KLF13: variants seen among roughly 807,000 people sequenced by gnomAD.
KLF13 encodes the protein Krueppel-like factor 13.
KLF13 carries 8 observed loss-of-function variants against 16.7 expected under a neutral mutation model. The observed-to-expected ratio is 0.48, with a 90% CI of 0.28 to 0.87. KLF13 has a LOEUF of 0.87. Among genes scored for constraint, KLF13 ranks in the 40% least tolerant of loss-of-function variants. KLF13 has a pLI of 0.10. For missense variants in KLF13, 447 were observed against 452.2 expected, an observed-to-expected ratio of 0.99 and a Z score of 0.10; for synonymous variants, 245 against 208.4, an observed-to-expected ratio of 1.18 and a Z score of -1.51.
rs2039559697 is a variant in KLF13 at position 31,371,865 on chromosome 15, G to A, written c.578-145G>A. 5.3e-6 allele frequency: 5 copies of A among 945,622 alleles called. No individual in the cohort carries two copies. In the African/African-American group the frequency reaches 6.6e-5, roughly 13 times the overall value. The allele number at this position is 945,622 out of a possible 1,614,324, so 58.6% of individuals were successfully genotyped here. A position where few individuals can be genotyped will look rare whatever the true frequency, so the allele number is the denominator to read the frequency against. ...GGCCCACCTTCATCTCTGCCTTGAT[G>A]GATTTGTCACAGAAGCTCTTGGAGG... On this transcript the variant is annotated intron_variant, in intron 1 of 1. Coordinates refer to ENST00000307145, the MANE Select transcript of KLF13 (RefSeq NM_015995.4).
intron 2 of KLF13, among the ~76,000 whole-genome samples, chr15:31,402,734 C>G (rs904548942): frequency 6.6e-6 from 1 of 152,218 alleles, no homozygotes; most frequent in Non-Finnish European, 1.5e-5. Flanking sequence ...ACACTCAGTT[C>G]TGCGGCTCAT....
At chr15:31,408,342 A>G (rs1019844740), downstream of KLF13, among the ~76,000 whole-genome samples, 6 of 152,206 alleles carry the variant, frequency 3.9e-5, no homozygotes, top group African/African-American at 1.2e-4. Flanking sequence ...TCCTGGTGGT[A>G]TAGGTCACTT....
chr15:31,327,625 G>C lies in KLF13; in HGVS notation c.413G>C (p.Gly138Ala). Residue 138 changes from glycine to alanine, a missense_variant, in exon 1 of 2, where the codon GGG becomes GCG. This residue lies in a region of KLF13 where 359 missense variants were observed against 282.8 expected (regional missense o/e 1.27). Transcript: ENST00000307145. ...EAGLEPEREP[G>A]PAGSGEPGLR... ...GGGCTGGAGCCCGAGCGGGAGCCGGGGCCCGCGGGGAGCGGCGAGCCCGGC... is the reference window on the plus strand; with the variant it reads ...GGGCTGGAGCCCGAGCGGGAGCCGGCGCCCGCGGGGAGCGGCGAGCCCGGC... 7.4e-7 allele frequency: 1 copy of C among 1,360,340 alleles called. No homozygotes were observed. The highest frequency in any genetic ancestry group is 9.6e-7 in the Non-Finnish European group (1 of 1,040,456). 84.3% of individuals were successfully genotyped at this position (1,360,340 alleles called of 1,614,324 possible).
intron 1 of KLF13, among the ~76,000 whole-genome samples, chr15:31,348,054 G>A (rs966425119): frequency 2.6e-5 from 4 of 152,208 alleles, no homozygotes; most frequent in South Asian, 2.1e-4. Flanking sequence ...CTTTCAGGGG[G>A]GTTTATTTCT....
chr15:31,427,967 G>T (rs1290928310), intron 1 of KLF13, among the ~76,000 whole-genome samples: 1 of 152,108 alleles, frequency 6.6e-6, no homozygotes, highest in East Asian at 1.9e-4. Context: ...CTGGGAATTA[G>T]AATTCAACGT....
chr15:31,369,561 A>C (rs1053243473), intron 1 of KLF13, among the ~76,000 whole-genome samples: 65 of 152,320 alleles, frequency 4.3e-4, no homozygotes, highest in Admixed American at 4.1e-3. Flanking sequence ...TAAACAAAGA[A>C]GAGTGGTGTG....
At chr15:31,379,065 GAA>G (rs1466510966), downstream of KLF13, among the ~76,000 whole-genome samples, 1 of 152,130 alleles carries the variant, frequency 6.6e-6, no homozygotes, top group Non-Finnish European at 1.5e-5. Flanking sequence ...CACAAAATGT[GAA>G]GTGTTACTAA....
intron 1 of KLF13, among the ~76,000 whole-genome samples, chr15:31,410,654 A>G (rs528786100): frequency 6.6e-6 from 1 of 151,614 alleles, no homozygotes; most frequent in African/African-American, 2.4e-5. Context: ...AAAATTCAGA[A>G]TGAGAAATAT....
chr15:31,353,092 C>G (rs1022120815), intron 1 of KLF13, among the ~76,000 whole-genome samples: 2 of 152,134 alleles, frequency 1.3e-5, no homozygotes, highest in African/African-American at 4.8e-5. Flanking sequence ...GGACCCTGGG[C>G]CAGGGGGCTG....
At chr15:31,402,263 C>T (rs1437090377) in intron 2 of KLF13, among the ~76,000 whole-genome samples, 4 of 152,186 alleles carry the variant, frequency 2.6e-5, no homozygotes, top group South Asian at 2.1e-4. Context: ...GATGTGCCCC[C>T]GCCAGCCTCT....
chr15:31,428,820 A>AAAAAAAAAAAAAAAAAAAAAAAAAAAG (rs61521558), intron 1 of KLF13, among the ~76,000 whole-genome samples: 4 of 72,648 alleles, frequency 5.5e-5, no homozygotes, highest in Non-Finnish European at 7.0e-5. Flanking sequence ...AAAAAAAAAA[A>AAAAAAAAAAAAAAAAAAAAAAAAAAAG]AAAAAGAAAA....
At chr15:31,357,331 T>G (rs1056674940) in intron 1 of KLF13, among the ~76,000 whole-genome samples, 8 of 152,224 alleles carry the variant, frequency 5.3e-5, no homozygotes, top group Non-Finnish European at 1.2e-4. Flanking sequence ...TGCTCCTTGG[T>G]CTGGGTCTCT....
At chr15:31,349,063 G>GT (rs2039174053) in intron 1 of KLF13, among the ~76,000 whole-genome samples, 2 of 152,284 alleles carry the variant, frequency 1.3e-5, no homozygotes, top group African/African-American at 2.4e-5. Flanking sequence ...CAGGGTATGG[G>GT]TTTTCAGGAG....
At chr15:31,390,459 C>A (rs987107395), upstream of KLF13, among the ~76,000 whole-genome samples, 2 of 152,244 alleles carry the variant, frequency 1.3e-5, no homozygotes, top group African/African-American at 2.4e-5. Flanking sequence ...CATCTTCTTA[C>A]AACCATTGCT....
chr15:31,408,570 A>G (rs2040155856), downstream of KLF13, among the ~76,000 whole-genome samples: 1 of 152,254 alleles, frequency 6.6e-6, no homozygotes, highest in African/African-American at 2.4e-5. Flanking sequence ...TCAACTCCTG[A>G]CTAGATTAAT....
chr15:31,360,507 C>T (rs543516769), intron 1 of KLF13, among the ~76,000 whole-genome samples: 3 of 152,306 alleles, frequency 2.0e-5, no homozygotes, highest in South Asian at 2.1e-4. Flanking sequence ...GGTTTTTGAA[C>T]ACAAGGGCTT....
At chr15:31,334,404 C>G (rs2038890910) in intron 1 of KLF13, among the ~76,000 whole-genome samples, 1 of 152,056 alleles carries the variant, frequency 6.6e-6, no homozygotes, top group Admixed American at 6.5e-5. Context: ...AGTCCACACA[C>G]CTGAACCTGT....
chr15:31,401,997 G>A (rs141114952), intron 2 of KLF13, among the ~76,000 whole-genome samples: 182 of 152,362 alleles, frequency 1.2e-3, no homozygotes, highest in African/African-American at 3.7e-3. Context: ...AGAAGAGCAC[G>A]TTTGGAGGCA....
chr15:31,356,921 A>G (rs948349021), intron 1 of KLF13, among the ~76,000 whole-genome samples: 2 of 152,070 alleles, frequency 1.3e-5, no homozygotes, highest in African/African-American at 4.8e-5. Flanking sequence ...TCTGGAAAAC[A>G]TTCTTGCCAC....
Sources: allele counts gnomAD v4.1 joint callset (sites outside exome capture counted in the v4.1 genomes callset), GRCh38; gene constraint gnomAD v4.1.1; regional missense constraint gnomAD v4.1.1; transcripts MANE v1.5; gene names NCBI Gene and HGNC (gene_info 2026-07-23, HGNC 2026-07-21).